BCAS3: variants seen among roughly 807,000 people sequenced by gnomAD.
BCAS3 encodes BCAS3 microtubule associated cell migration factor, also known as BCAS4/BCAS3 fusion.
BCAS3 carries 53 observed loss-of-function variants against 116.1 expected under a neutral mutation model. The ratio of observed to expected loss-of-function variants is 0.46; its 90% CI spans 0.37 to 0.57. The LOEUF is 0.57. Among genes scored for constraint, BCAS3 ranks in the 20% least tolerant of loss-of-function variants. The probability of loss-of-function intolerance (pLI) is 0.00; values close to 1 mark genes in which losing one functional copy is unlikely to be tolerated. For missense variants in BCAS3, 917 were observed against 1,165.4 expected (o/e 0.79, Z 3.10); for synonymous variants, 391 against 408.2 (o/e 0.96, Z 0.51).
At chr17:60,877,132 G>A (rs1484994562) in intron 9 of BCAS3, among the ~76,000 whole-genome samples, 1 of 151,740 alleles carries the variant, frequency 6.6e-6, no homozygotes, top group East Asian at 1.9e-4. Context: ...TTATAGGTCT[G>A]AGTTGGAAAT....
Position 61,088,529 on chromosome 17 carries a change from TA to T in BCAS3, c.2425+3968del, listed in dbSNP as rs1376637638. ...CTTATAACCTGTGCCCTTCTTTTGA[TA>T]AAGATGTAGGACCTCTAAAGAGAAA... On this transcript the variant is annotated intron_variant, in intron 22 of 23. Coordinates refer to ENST00000407086, the MANE Select transcript of BCAS3 (RefSeq NM_017679.5). This position sits in a 1 kb window ranked among gnomAD's most constrained non-coding sequence, Gnocchi z 4.2. Among the ~76,000 whole-genome samples, 1 of 152,364 alleles carries T rather than the reference TA, an allele frequency of 6.6e-6. No individual in the cohort carries two copies. Among genetic ancestry groups the T allele is most frequent in the East Asian group, 1.9e-4 (1 of 5,184 alleles).
intron 14 of BCAS3, among the ~76,000 whole-genome samples, chr17:60,985,358 G>A (rs1474618393): frequency 2.0e-5 from 3 of 151,934 alleles, no homozygotes; most frequent in African/African-American, 7.3e-5. Flanking sequence ...TATTGGCCAG[G>A]CTGGTCTCAA....
At chr17:60,689,989 T>TTAC (rs1442587862) in intron 4 of BCAS3, among the ~76,000 whole-genome samples, 1 of 152,196 alleles carries the variant, frequency 6.6e-6, no homozygotes, top group East Asian at 1.9e-4. Context: ...TTTGATGAAG[T>TTAC]TAAAGTGAGT....
chr17:61,217,711 A>AT lies in BCAS3; in HGVS notation c.2425+133151dup, dbSNP rs5821312. On this transcript the variant is annotated intron_variant, in intron 22 of 23. Coordinates refer to ENST00000407086, the MANE Select transcript of BCAS3 (RefSeq NM_017679.5). This position sits in a 1 kb window ranked among gnomAD's most constrained non-coding sequence, Gnocchi z 5.2. ...TTAGGCAGCTTCCTCTGACTAGTTG[A>AT]TTTTCTTGAGAAACATTATTCTTGA... Among the ~76,000 whole-genome samples, 1 of 152,142 alleles carries AT rather than the reference A, an allele frequency of 6.6e-6. No individual in the cohort carries two copies. Among genetic ancestry groups the AT allele is most frequent in the Middle Eastern group, 3.2e-3 (1 of 316 alleles).
In BCAS3 at chr17:60,852,595, G is replaced by A. The variant is rs552261903; in HGVS notation, c.477-15981G>A. On this transcript the variant is annotated intron_variant, in intron 7 of 23. Transcript: ENST00000407086. Reference sequence around the variant, plus strand: ...GTATGTTAAGAATTGTGTACAAATTGAAATGTCTGTACTGATCCTCAACCA... The same window carrying A: ...GTATGTTAAGAATTGTGTACAAATTAAAATGTCTGTACTGATCCTCAACCA... 2.5e-3 allele frequency among the ~76,000 whole-genome samples: 380 copies of A among 152,222 alleles called. 1 individual carries two copies. Among genetic ancestry groups the A allele is most frequent in the Non-Finnish European group, 4.2e-3 (289 of 68,004 alleles).
At position 60,746,376 on chromosome 17, in the gene BCAS3, G is replaced by C. The variant is rs577398363; in HGVS notation, c.322-822G>C. Among the ~76,000 whole-genome samples, 76 of 152,190 alleles carry C rather than the reference G, an allele frequency of 5.0e-4. 1 individual carries two copies. The South Asian group carries it at 0.016, about 32-fold the overall frequency. Reference sequence around the variant, plus strand: ...GCTTCAATGAGCAGTTTGAAAAGCAGTTGTTTTCACACTCAACACATATTA... The same window carrying C: ...GCTTCAATGAGCAGTTTGAAAAGCACTTGTTTTCACACTCAACACATATTA... On this transcript the variant is annotated intron_variant, in intron 5 of 23. Transcript: ENST00000407086.
At position 61,362,185 on chromosome 17, in the gene BCAS3, G is replaced by A. The variant is rs749958327; in HGVS notation, c.2426-6142G>A. Among the ~76,000 whole-genome samples, 41 of 152,220 alleles carry A rather than the reference G, an allele frequency of 2.7e-4. No individual in the cohort carries two copies. The highest frequency in any genetic ancestry group is 5.8e-4 in the East Asian group (3 of 5,196). On this transcript the variant is annotated intron_variant, in intron 22 of 23. Transcript: ENST00000407086. The surrounding 1 kb of genome is among the most constrained non-coding windows in gnomAD (Gnocchi z 4.4). Reference sequence around the variant, plus strand: ...CCCCGCAGCAGCACTCTTAAGCTCCGTTTGGTGAGCAGTTTGGTAAGCTTG... The same window carrying A: ...CCCCGCAGCAGCACTCTTAAGCTCCATTTGGTGAGCAGTTTGGTAAGCTTG...
At chr17:60,776,718 CAAA>C (rs749033165) in intron 6 of BCAS3, among the ~76,000 whole-genome samples, 4 of 46,534 alleles carry the variant, frequency 8.6e-5, no homozygotes, top group East Asian at 6.9e-4. Flanking sequence ...GACTCCGTCT[CAAA>C]AAAAAAAAAA....
In BCAS3 at chr17:61,286,318, C is replaced by T. The variant is rs1291575715; in HGVS notation, c.2426-82009C>T. ...CTCTGAATCTGCATTTGAAAGTTATCGTGAGCAGATGAAGCAGAGGTTGCT... is the reference window on the plus strand; with the variant it reads ...CTCTGAATCTGCATTTGAAAGTTATTGTGAGCAGATGAAGCAGAGGTTGCT... On this transcript the variant is annotated intron_variant, in intron 22 of 23. Coordinates refer to ENST00000407086, the MANE Select transcript of BCAS3 (RefSeq NM_017679.5). The surrounding 1 kb of genome is among the most constrained non-coding windows in gnomAD (Gnocchi z 4.8). 2.0e-5 allele frequency among the ~76,000 whole-genome samples: 3 copies of T among 152,176 alleles called. No homozygotes were observed. Among genetic ancestry groups the T allele is most frequent in the East Asian group, 1.9e-4 (1 of 5,206 alleles).
chr17:60,877,419 G>A (rs976415050), intron 9 of BCAS3, among the ~76,000 whole-genome samples: 11 of 152,056 alleles, frequency 7.2e-5, no homozygotes, highest in African/African-American at 2.7e-4. Flanking sequence ...CTTTTAGTAA[G>A]CACAAAACAT....
intron 19 of BCAS3, among the ~76,000 whole-genome samples, chr17:61,072,454 G>A (rs184632127): frequency 5.3e-5 from 8 of 152,062 alleles, no homozygotes; most frequent in Non-Finnish European, 8.8e-5. Flanking sequence ...TTCTAGTGCC[G>A]TTACTTACTT....
intron 5 of BCAS3, among the ~76,000 whole-genome samples, chr17:60,739,877 G>GTTTTTTTTTTTTTTTTTTTT (rs199781421): frequency 6.8e-6 from 1 of 146,036 alleles, no homozygotes; most frequent in African/African-American, 2.7e-5. Context: ...TGTTTTTTTT[G>GTTTTTTTTTTTTTTTTTTTT]TTTTTGTTTT....
intron 6 of BCAS3, among the ~76,000 whole-genome samples, chr17:60,783,278 C>T (rs186158635): frequency 7.0e-4 from 106 of 152,294 alleles, no homozygotes; most frequent in African/African-American, 2.5e-3. Context: ...AATCATAGCT[C>T]ACTGCAGCCT....
intron 7 of BCAS3, among the ~76,000 whole-genome samples, chr17:60,824,236 T>C (rs1357065714): frequency 1.3e-5 from 2 of 152,202 alleles, no homozygotes; most frequent in Admixed American, 6.5e-5. Context: ...TAGGCATACA[T>C]GTATTTATAA....
intron 7 of BCAS3, chr17:60,821,868 G>T (rs1043059538): frequency 6.6e-6 from 1 of 152,198 alleles, no homozygotes; most frequent in East Asian, 1.9e-4. Flanking sequence ...TAGAAACAGG[G>T]TTTTACTATG....
intron 22 of BCAS3, among the ~76,000 whole-genome samples, chr17:61,103,751 T>G (rs2074473691): frequency 6.6e-6 from 1 of 152,202 alleles, no homozygotes; most frequent in Non-Finnish European, 1.5e-5. Context: ...ACAGCAACTA[T>G]CTTCCTATTT....
rs905118288 is a variant in BCAS3, at chr17:61,390,596, CCCACT to C, written c.2594-1374_2594-1370del. On this transcript the variant is annotated intron_variant, in intron 23 of 23. Coordinates refer to ENST00000407086, the MANE Select transcript of BCAS3 (RefSeq NM_017679.5). This position sits in a 1 kb window ranked among gnomAD's most constrained non-coding sequence, Gnocchi z 6.8. ...CCCAGGCCCAGGTGCCCGCCTCCTCCCCACTCCACTCTGTGGCTGCTGCAGGCCTG... is the reference window on the plus strand; with the variant it reads ...CCCAGGCCCAGGTGCCCGCCTCCTCCCCACTCTGTGGCTGCTGCAGGCCTG... The C allele has an allele frequency of 3.3e-5, 5 of 152,258 alleles. No individual in the cohort carries two copies. The highest frequency in any genetic ancestry group is 7.2e-5 in the African/African-American group (3 of 41,390). 9.4% of individuals were successfully genotyped at this position (152,258 alleles called of 1,614,324 possible).
chr17:60,738,538 T>C (rs2041207645), intron 5 of BCAS3, among the ~76,000 whole-genome samples: 1 of 152,214 alleles, frequency 6.6e-6, no homozygotes, highest in Non-Finnish European at 1.5e-5. Flanking sequence ...TTTTGATTAG[T>C]GTTAGCATGG....
At position 61,218,255 on chromosome 17, in the gene BCAS3, G is replaced by T. The variant is rs368080338; in HGVS notation, c.2425+133691G>T. 2.2e-4 allele frequency among the ~76,000 whole-genome samples: 33 copies of T among 152,294 alleles called. 1 individual carries two copies. Among genetic ancestry groups the T allele is most frequent in the African/African-American group, 7.7e-4 (32 of 41,538 alleles). ...TGTGAGCCCATTATCACAGTGAGTAGTAGCATCCAAAGGTTAGGTAATGCC... is the reference window on the plus strand; with the variant it reads ...TGTGAGCCCATTATCACAGTGAGTATTAGCATCCAAAGGTTAGGTAATGCC... On this transcript the variant is annotated intron_variant, in intron 22 of 23. Transcript: ENST00000407086.
Sources: allele counts gnomAD v4.1 joint callset (sites outside exome capture counted in the v4.1 genomes callset), GRCh38; gene constraint gnomAD v4.1.1; non-coding constraint Gnocchi (gnomAD v3.1); transcripts MANE v1.5; gene names NCBI Gene and HGNC (gene_info 2026-07-23, HGNC 2026-07-21).